LRRC37A2: variants seen among roughly 807,000 people sequenced by gnomAD.
LRRC37A2 encodes leucine-rich repeat-containing protein 37A2.
LRRC37A2 carries 9 observed loss-of-function variants against 68.8 expected under a neutral mutation model. The ratio of observed to expected loss-of-function variants is 0.13; its 90% confidence interval spans 0.08 to 0.23. The LOEUF (loss-of-function observed/expected upper bound fraction) is 0.23, where lower values mean the gene tolerates loss of function less well. LRRC37A2 is among the 10% of genes least tolerant of loss of function. LRRC37A2 has a pLI of 1.00. For missense variants in LRRC37A2, 168 were observed against 950.4 expected (o/e 0.18, Z 10.82); for synonymous variants, 63 against 367.6 (o/e 0.17, Z 9.48).
the LRRC37A2 span, among the ~76,000 whole-genome samples, chr17:47,007,243 T>C: frequency 6.6e-6 from 1 of 152,234 alleles, no homozygotes; most frequent in Non-Finnish European, 1.5e-5. Context: ...GGTGTTGTGA[T>C]CTTGGCTCAC....
chr17:46,875,613 C>T, the LRRC37A2 span, among the ~76,000 whole-genome samples: 1 of 152,196 alleles, frequency 6.6e-6, no homozygotes, highest in Admixed American at 6.5e-5. Context: ...GCAGTGGTCA[C>T]CAGTGGGAGC....
At chr17:46,812,403 A>G in the LRRC37A2 span, among the ~76,000 whole-genome samples, 4 of 152,022 alleles carry the variant, frequency 2.6e-5, no homozygotes, top group East Asian at 1.9e-4. Flanking sequence ...CCTTCCGACT[A>G]TAAATCACCT....
At chr17:46,982,841 C>T in the LRRC37A2 span, among the ~76,000 whole-genome samples, 2 of 152,216 alleles carry the variant, frequency 1.3e-5, no homozygotes, top group Non-Finnish European at 1.5e-5. Context: ...GAGGCAGCCA[C>T]TGTCACTTGC....
At chr17:46,960,086 G>C in the LRRC37A2 span, among the ~76,000 whole-genome samples, 1 of 152,212 alleles carries the variant, frequency 6.6e-6, no homozygotes, top group Non-Finnish European at 1.5e-5. Flanking sequence ...TGGGCAACCA[G>C]AATGCCATTT....
At chr17:46,722,190 C>A in the LRRC37A2 span, 11 of 1,602,226 alleles carry the variant, frequency 6.9e-6, no homozygotes, top group South Asian at 1.2e-4. Flanking sequence ...GGAGAACTTG[C>A]AGCGCCTGCT....
chr17:46,404,799 G>C, the LRRC37A2 span, among the ~76,000 whole-genome samples: 1 of 92,610 alleles, frequency 1.1e-5, no homozygotes, highest in Non-Finnish European at 2.6e-5. Flanking sequence ...GAACCCGGGA[G>C]GCGGAGCTTG....
the LRRC37A2 span, among the ~76,000 whole-genome samples, chr17:46,922,043 T>C: frequency 2.0e-5 from 3 of 152,224 alleles, no homozygotes; most frequent in African/African-American, 7.2e-5. Context: ...TGTATGTTTA[T>C]TGCAGCACTA....
At chr17:46,946,840 G>A in the LRRC37A2 span, among the ~76,000 whole-genome samples, 4 of 152,356 alleles carry the variant, frequency 2.6e-5, no homozygotes, top group African/African-American at 7.2e-5. Flanking sequence ...TCTAGCCTGG[G>A]TGACGAAATG....
At chr17:46,997,463 A>G in the LRRC37A2 span, among the ~76,000 whole-genome samples, 1 of 152,246 alleles carries the variant, frequency 6.6e-6, no homozygotes, top group Admixed American at 6.5e-5. Flanking sequence ...GTCACTAGAC[A>G]TTCTGTGCCT....
the LRRC37A2 span, chr17:46,939,342 C>T: frequency 4.0e-6 from 4 of 1,009,664 alleles, no homozygotes; most frequent in Non-Finnish European, 4.7e-6. Context: ...CTAGGGGAAA[C>T]AAGATGTAGT....
chr17:46,826,741 G>A, the LRRC37A2 span, among the ~76,000 whole-genome samples: 1 of 151,584 alleles, frequency 6.6e-6, no homozygotes, highest in African/African-American at 2.4e-5. Context: ...TAAAATGATC[G>A]GTGAGCATCC....
the LRRC37A2 span, among the ~76,000 whole-genome samples, chr17:46,491,073 T>C: frequency 6.6e-6 from 1 of 150,690 alleles, no homozygotes; most frequent in Admixed American, 6.6e-5. Context: ...TTTTTGTATT[T>C]TTTAGTAGAG....
chr17:47,006,839 G>A, the LRRC37A2 span, among the ~76,000 whole-genome samples: 1 of 152,196 alleles, frequency 6.6e-6, no homozygotes, highest in South Asian at 2.1e-4. Context: ...GAAGCTGTGG[G>A]CAGAAAAGGA....
At chr17:46,493,860 C>G in the LRRC37A2 span, among the ~76,000 whole-genome samples, 1 of 148,346 alleles carries the variant, frequency 6.7e-6, no homozygotes, top group African/African-American at 2.6e-5. Context: ...TAGACAGAGT[C>G]TCGTTCTTTC....
At chr17:46,894,679 C>A in the LRRC37A2 span, among the ~76,000 whole-genome samples, 1 of 152,202 alleles carries the variant, frequency 6.6e-6, no homozygotes, top group Non-Finnish European at 1.5e-5. Flanking sequence ...CGTGGGGCCG[C>A]CAGCCGGCCC....
chr17:46,901,915 T>C, the LRRC37A2 span, among the ~76,000 whole-genome samples: 1 of 151,462 alleles, frequency 6.6e-6, no homozygotes, highest in African/African-American at 2.4e-5. Context: ...TCAGTGATTC[T>C]CCCTGCCTCA....
intron 8 of LRRC37A2, among the ~76,000 whole-genome samples, chr17:46,541,174 T>C (rs1351657296): frequency 1.4e-5 from 2 of 144,574 alleles, no homozygotes; most frequent in Admixed American, 1.4e-4. Context: ...TCCTATACTT[T>C]TGCCTTTTCC....
chr17:46,891,245 T>C, the LRRC37A2 span, among the ~76,000 whole-genome samples: 15 of 152,224 alleles, frequency 9.9e-5, no homozygotes, highest in African/African-American at 3.1e-4. Flanking sequence ...CATTCCTGTT[T>C]ACAAAGTGTC....
At chr17:46,774,602 G>A in the LRRC37A2 span, among the ~76,000 whole-genome samples, 1 of 152,222 alleles carries the variant, frequency 6.6e-6, no homozygotes, top group Non-Finnish European at 1.5e-5. Flanking sequence ...GAGTCAGAAG[G>A]GAGATCTCAG....
Sources: gnomAD v4.1 joint callset for allele counts (sites outside exome capture counted in the v4.1 genomes callset) on GRCh38, gnomAD v4.1.1 for gene constraint, MANE v1.5 for transcripts, NCBI Gene and HGNC (gene_info 2026-07-23, HGNC 2026-07-21) for gene names.